Variants in AGAP1 observed in about 807,000 individuals in gnomAD.
The protein encoded by AGAP1 is ArfGAP with GTPase domain, ankyrin repeat and PH domain 1, also known as arf-GAP with GTPase, ANK repeat and PH domain-containing protein 1.
In AGAP1, 29 loss-of-function variants were observed where a neutral mutation model predicts 105.3. The observed-to-expected ratio is 0.28, with a 90% CI of 0.21 to 0.38. AGAP1 has a LOEUF of 0.38. Among genes scored for constraint, AGAP1 ranks in the 10% least tolerant of loss-of-function variants. The probability of loss-of-function intolerance (pLI) is 1.00; values close to 1 mark genes in which losing one functional copy is unlikely to be tolerated. For missense variants in AGAP1, 998 were observed against 1,165.1 expected, an observed-to-expected ratio of 0.86 and a Z score of 2.09; for synonymous variants, 509 against 485.9, an observed-to-expected ratio of 1.05 and a Z score of -0.63.
chr2:236,032,661 G>C (rs1008299986), intron 13 of AGAP1, among the ~76,000 whole-genome samples: 2 of 152,146 alleles, frequency 1.3e-5, no homozygotes, highest in Non-Finnish European at 2.9e-5. Flanking sequence ...TGTGAGTGAA[G>C]GATGAAGAAA....
rs112716633 is a variant in AGAP1 at position 236,044,240 on chromosome 2, C to G, written c.1891+3399C>G. On this transcript the variant is annotated intron_variant, in intron 15 of 17. Coordinates refer to ENST00000304032, the MANE Select transcript of AGAP1 (RefSeq NM_001037131.3). The surrounding 1 kb of genome is among the most constrained non-coding windows in gnomAD (Gnocchi z 5.7). ...TCAGCATGGCCCAACCCAGCATGTC[C>G]CAGGCCCATCGGACAGTGGGGCCTT... is the stretch of plus-strand genomic sequence containing the variant. 5.9e-3 allele frequency among the ~76,000 whole-genome samples: 906 copies of G among 152,278 alleles called. 8 individuals are homozygous for G. Among genetic ancestry groups the G allele is most frequent in the Non-Finnish European group, 7.8e-3 (533 of 68,014 alleles).
chr2:235,764,432 C>T (rs190672172), intron 6 of AGAP1, among the ~76,000 whole-genome samples: 8 of 152,286 alleles, frequency 5.3e-5, no homozygotes, highest in South Asian at 2.1e-4. Context: ...ATCTTGGTCA[C>T]GTAGATCCAT....
Position 235,577,581 on chromosome 2 carries a change from C to T in AGAP1, c.163+82732C>T, listed in dbSNP as rs1462795399. Among the ~76,000 whole-genome samples the T allele has an allele frequency of 6.6e-6, 1 of 152,098 alleles. No homozygotes were observed. The highest frequency in any genetic ancestry group is 1.9e-4 in the East Asian group (1 of 5,178). On this transcript the variant is annotated intron_variant, in intron 1 of 17. Coordinates refer to ENST00000304032, the MANE Select transcript of AGAP1 (RefSeq NM_001037131.3). This position sits in a 1 kb window ranked among gnomAD's most constrained non-coding sequence, Gnocchi z 4.5. ...GGTGGGAGCTGAGAGTCCCTTGCTG[C>T]CCGGAGCATGGCTGTGTGGCTGCCT...
rs1453685963 is a variant in AGAP1 at position 235,893,225 on chromosome 2, AC to A, written c.1155+9778del. On this transcript the variant is annotated intron_variant, in intron 10 of 17. Transcript: ENST00000304032. The surrounding 1 kb of genome is among the most constrained non-coding windows in gnomAD (Gnocchi z 4.7). ...TGTGCCATGTCCATCATAATGAAGC[AC>A]CATGTCTGTAGCGCGGGTGTGCCAT... Among the ~76,000 whole-genome samples the A allele has an allele frequency of 6.1e-5, 9 of 146,530 alleles. No homozygotes were observed. The highest frequency in any genetic ancestry group is 2.0e-4 in the African/African-American group (8 of 39,256).
intron 1 of AGAP1, among the ~76,000 whole-genome samples, chr2:235,648,025 C>T (rs1559312780): frequency 6.6e-6 from 1 of 152,208 alleles, no homozygotes; most frequent in Non-Finnish European, 1.5e-5. Context: ...TGAGGACCTT[C>T]CAACCCCCAA....
At chr2:235,527,455 C>T (rs1030729173) in intron 1 of AGAP1, among the ~76,000 whole-genome samples, 10 of 152,176 alleles carry the variant, frequency 6.6e-5, no homozygotes, top group African/African-American at 1.9e-4. Context: ...TCTGTAGCCT[C>T]GACCTCCTAG....
At chr2:235,626,490 G>GT (rs1187698345) in intron 1 of AGAP1, among the ~76,000 whole-genome samples, 2 of 152,284 alleles carry the variant, frequency 1.3e-5, no homozygotes, top group African/African-American at 4.8e-5. Flanking sequence ...TAATGGTGGC[G>GT]TTTTTTAAAA....
rs528146054 is a variant in AGAP1 at position 235,782,643 on chromosome 2, A to G, written c.674-15116A>G. Among the ~76,000 whole-genome samples, 4 of 152,336 alleles carry G rather than the reference A, an allele frequency of 2.6e-5. No individual in the cohort carries two copies. In the South Asian group the frequency reaches 8.3e-4, roughly 32 times the overall value. On this transcript the variant is annotated intron_variant, in intron 6 of 17. Coordinates refer to ENST00000304032, the MANE Select transcript of AGAP1 (RefSeq NM_001037131.3). ...CATCACTAGAAAAGCTTATGTGTAA[A>G]CATTTATGCTAGTAATAGATAAAAG...
intron 1 of AGAP1, among the ~76,000 whole-genome samples, chr2:235,653,692 A>C (rs1008798298): frequency 2.6e-5 from 4 of 152,228 alleles, no homozygotes; most frequent in Non-Finnish European, 4.4e-5. Flanking sequence ...TGTTTCACTC[A>C]GAGCATAAAC....
At position 235,724,097 on chromosome 2, in the gene AGAP1, A is replaced by G. The variant is rs1951529133; in HGVS notation, c.310+6453A>G. Among the ~76,000 whole-genome samples the G allele has an allele frequency of 6.6e-6, 1 of 152,204 alleles. No homozygotes were observed. Among genetic ancestry groups the G allele is most frequent in the Non-Finnish European group, 1.5e-5 (1 of 68,034 alleles). On this transcript the variant is annotated intron_variant, in intron 3 of 17. Transcript: ENST00000304032. This position sits in a 1 kb window ranked among gnomAD's most constrained non-coding sequence, Gnocchi z 4.9. ...TTGGCCCTGGCATTCCCGGGTCTTC[A>G]TGAGCTTAATTCAGCAGGGGCTCCT...
rs7573029 is a variant in AGAP1 at position 235,951,475 on chromosome 2, G to T, written c.1484-16987G>T. Among the ~76,000 whole-genome samples the T allele has an allele frequency of 0.65, 98,638 of 152,080 alleles. 33,862 individuals are homozygous for T. The highest frequency in any genetic ancestry group is 0.89 in the African/African-American group (36,841 of 41,512). ...TTGCCCAAAGCTTAGTCAAAATTAT[G>T]AGATTTCCTCTGAACTTTGTTCTTC... is the stretch of plus-strand genomic sequence containing the variant. On this transcript the variant is annotated intron_variant, in intron 12 of 17. Transcript: ENST00000304032. This position sits in a 1 kb window ranked among gnomAD's most constrained non-coding sequence, Gnocchi z 4.2.
intron 1 of AGAP1, among the ~76,000 whole-genome samples, chr2:235,508,529 G>A (rs112469631): frequency 0.058 from 8,844 of 152,250 alleles, 388 homozygotes; most frequent in South Asian, 0.15. Context: ...TTCCCTCGCT[G>A]AGAGTTGGTG....
chr2:235,900,423 A>G lies in AGAP1; in HGVS notation c.1156-8315A>G, dbSNP rs1321275441. On this transcript the variant is annotated intron_variant, in intron 10 of 17. Coordinates refer to ENST00000304032, the MANE Select transcript of AGAP1 (RefSeq NM_001037131.3). This position sits in a 1 kb window ranked among gnomAD's most constrained non-coding sequence, Gnocchi z 5.5. ...GGCAGCATTTCTCCCTCTGGAACTA[A>G]GACCCCTAGGCCAGCAGAACGTAAT... Among the ~76,000 whole-genome samples the G allele has an allele frequency of 1.3e-5, 2 of 151,796 alleles. No homozygotes were observed. Among genetic ancestry groups the G allele is most frequent in the East Asian group, 3.9e-4 (2 of 5,152 alleles).
chr2:235,980,276 C>G (rs1457780033), intron 13 of AGAP1, among the ~76,000 whole-genome samples: 1 of 152,192 alleles, frequency 6.6e-6, no homozygotes, highest in Non-Finnish European at 1.5e-5. Flanking sequence ...TTTTGGCAGG[C>G]AGCCAGGGGT....
chr2:235,675,559 T>G (rs1948693987), intron 1 of AGAP1, among the ~76,000 whole-genome samples: 1 of 152,234 alleles, frequency 6.6e-6, no homozygotes, highest in Non-Finnish European at 1.5e-5. Flanking sequence ...CTTTTGTTAT[T>G]AGAATTGATT....
Position 235,842,695 on chromosome 2 carries a change from G to A in AGAP1, c.1050+35364G>A, listed in dbSNP as rs115159470. Among the ~76,000 whole-genome samples the A allele has an allele frequency of 2.2e-3, 338 of 152,158 alleles. 2 individuals carry two copies. Among genetic ancestry groups the A allele is most frequent in the African/African-American group, 7.8e-3 (322 of 41,500 alleles). On this transcript the variant is annotated intron_variant, in intron 9 of 17. Coordinates refer to ENST00000304032, the MANE Select transcript of AGAP1 (RefSeq NM_001037131.3). This position sits in a 1 kb window ranked among gnomAD's most constrained non-coding sequence, Gnocchi z 5.3. ...TACCCTATGAATTCTATAAACTGAAGTTTTCATCCCATGTGTCAGGTTTGT... is the reference window on the plus strand; with the variant it reads ...TACCCTATGAATTCTATAAACTGAAATTTTCATCCCATGTGTCAGGTTTGT...
chr2:235,513,247 C>CGGGCGCGGGCGT (rs1942228284), intron 1 of AGAP1, among the ~76,000 whole-genome samples: 1 of 151,994 alleles, frequency 6.6e-6, no homozygotes, highest in South Asian at 2.1e-4. Context: ...GTGCCGGGCG[C>CGGGCGCGGGCGT]GGGTGGCTCA....
intron 1 of AGAP1, among the ~76,000 whole-genome samples, chr2:235,652,335 C>CT (rs1947623300): frequency 6.6e-6 from 1 of 152,104 alleles, no homozygotes; most frequent in African/African-American, 2.4e-5. Context: ...CCCTCAGACC[C>CT]CCCCTACCCC....
intron 10 of AGAP1, among the ~76,000 whole-genome samples, chr2:235,903,002 C>G (rs1176099046): frequency 1.3e-5 from 2 of 152,152 alleles, no homozygotes; most frequent in Non-Finnish European, 2.9e-5. Flanking sequence ...TACTTTGATT[C>G]ATGTTAATCA....
Sources: allele counts gnomAD v4.1 joint callset (sites outside exome capture counted in the v4.1 genomes callset), GRCh38; gene constraint gnomAD v4.1.1; non-coding constraint Gnocchi (gnomAD v3.1); transcripts MANE v1.5; gene names NCBI Gene and HGNC (gene_info 2026-07-23, HGNC 2026-07-21).